Variants in CNGB1 observed in about 807,000 individuals in gnomAD.
The protein encoded by CNGB1 is cyclic nucleotide gated channel subunit beta 1.
In CNGB1, 126 loss-of-function variants were observed where a neutral mutation model predicts 151.7. The observed-to-expected ratio is 0.83, with a 90% CI of 0.72 to 0.96. The LOEUF (loss-of-function observed/expected upper bound fraction) is 0.96, where lower values mean the gene tolerates loss of function less well. Among genes scored for constraint, CNGB1 ranks in the 40% least tolerant of loss-of-function variants. CNGB1 has a pLI of 0.00. For synonymous variants in CNGB1, 623 were observed against 635.1 expected (o/e 0.98, Z 0.29); for missense variants, 1,698 against 1,627.0 (o/e 1.04, Z -0.75).
In CNGB1 at chr16:57,884,015, CG is replaced by C; in HGVS notation, c.*148del. ...AGTCGGGGCTGGCGTGCTGGCGGGACGGTCAGAGCTGCAGCCACTGAGGTCA... is the reference window on the plus strand; with the variant it reads ...AGTCGGGGCTGGCGTGCTGGCGGGACGTCAGAGCTGCAGCCACTGAGGTCA... On this transcript the variant is annotated 3_prime_UTR_variant, in exon 33 of 33. Transcript: ENST00000251102. 9.1e-7 allele frequency: 1 copy of C among 1,103,266 alleles called. No homozygotes were observed. Among genetic ancestry groups the C allele is most frequent in the Non-Finnish European group, 1.3e-6 (1 of 748,478 alleles). The allele number at this position is 1,103,266 out of a possible 1,614,324, so 68.3% of individuals were successfully genotyped here.
chr16:57,923,521 T>TCA, intron 17 of CNGB1, 141 bp from the exon 18 acceptor site: 3 of 701,608 alleles, frequency 4.3e-6, no homozygotes, highest in Non-Finnish European at 5.0e-6. Context: ...TTCTGAGTCC[T>TCA]CATTTGCCTG....
At chr16:57,934,358 T>C (rs1194081195) in intron 16 of CNGB1, among the ~76,000 whole-genome samples, 1 of 152,116 alleles carries the variant, frequency 6.6e-6, no homozygotes, top group Non-Finnish European at 1.5e-5. Context: ...AGGTTGAACC[T>C]GGGAGGTAGA....
At chr16:57,925,171 T>G (rs1189610280) in intron 17 of CNGB1, among the ~76,000 whole-genome samples, 59 of 151,804 alleles carry the variant, frequency 3.9e-4, no homozygotes, top group Non-Finnish European at 6.8e-4. Flanking sequence ...CCAGCTAATT[T>G]TTTTTTTTTT....
intron 14 of CNGB1, among the ~76,000 whole-genome samples, chr16:57,944,285 A>G (rs1460206638): frequency 1.3e-5 from 2 of 152,228 alleles, no homozygotes; most frequent in Non-Finnish European, 2.9e-5. Flanking sequence ...TAAACACAGA[A>G]AGACACATAC....
At chr16:57,936,678 GCTA>G (rs1961516970) in intron 16 of CNGB1, among the ~76,000 whole-genome samples, 1 of 152,098 alleles carries the variant, frequency 6.6e-6, no homozygotes. Context: ...TGTAATCCCA[GCTA>G]CTCGGGAGGC....
intron 25 of CNGB1, among the ~76,000 whole-genome samples, chr16:57,910,232 G>A (rs532074425): frequency 6.6e-6 from 1 of 152,216 alleles, no homozygotes; most frequent in African/African-American, 2.4e-5. Flanking sequence ...AAACATCACA[G>A]TCTCTTTTCT....
chr16:57,916,068 C>T (rs1010477907), intron 22 of CNGB1, 61 bp downstream of exon 22: 34 of 1,529,740 alleles, frequency 2.2e-5, no homozygotes, highest in African/African-American at 6.8e-5. Flanking sequence ...CACCCAGGGC[C>T]CTCTGAGGCA....
chr16:57,938,905 G>A (rs1961583683), intron 16 of CNGB1, among the ~76,000 whole-genome samples: 1 of 152,202 alleles, frequency 6.6e-6, no homozygotes, highest in Non-Finnish European at 1.5e-5. Flanking sequence ...AAATGTATGT[G>A]CTGGGTACAG....
At chr16:57,960,141 C>T (rs1962205616) in intron 9 of CNGB1, 76 bp from the exon 10 acceptor site, 1 of 1,527,306 alleles carries the variant, frequency 6.5e-7, no homozygotes, top group Non-Finnish European at 8.8e-7. Flanking sequence ...GGCACGGGGC[C>T]AGATTCGAGT....
At chr16:57,898,383 C>T (rs561375766) in intron 29 of CNGB1, among the ~76,000 whole-genome samples, 1 of 145,902 alleles carries the variant, frequency 6.9e-6, no homozygotes, top group African/African-American at 2.8e-5. Flanking sequence ...ATTCAAATTG[C>T]CTTTTTTTTT....
At chr16:57,955,296 C>T (rs1296521579) in intron 12 of CNGB1, 34 of 1,551,346 alleles carry the variant, frequency 2.2e-5, no homozygotes, top group South Asian at 1.2e-4. Context: ...TCTTTCCTTC[C>T]ATCCATGTGT....
chr16:57,883,975 C>T lies in CNGB1; in HGVS notation c.*189G>A. 1 of 730,792 alleles carries T rather than the reference C, an allele frequency of 1.4e-6. No homozygotes were observed. Among genetic ancestry groups the T allele is most frequent in the African/African-American group, 1.8e-5 (1 of 57,042 alleles). The allele number at this position is 730,792 out of a possible 1,614,324, so 45.3% of individuals were successfully genotyped here. A position where few individuals can be genotyped will look rare whatever the true frequency, so the allele number is the denominator to read the frequency against. On this transcript the variant is annotated 3_prime_UTR_variant, in exon 33 of 33. Coordinates refer to ENST00000251102, the MANE Select transcript of CNGB1 (RefSeq NM_001297.5). ...TGCAACTTGTCGAGCTCAGGCCCAG[C>T]CCCGCGAGGAGCTGAGTCGGGGCTG...
chr16:57,953,355 C>T (rs1304351501), intron 12 of CNGB1, among the ~76,000 whole-genome samples: 3 of 151,918 alleles, frequency 2.0e-5, no homozygotes, highest in African/African-American at 7.3e-5. Context: ...ATTAGCTGGG[C>T]GTGGTGGTGC....
Position 57,950,469 on chromosome 16 carries a change from C to T in CNGB1, c.946G>A (p.Ala316Thr). 1 of 1,614,218 alleles carries T rather than the reference C, an allele frequency of 6.2e-7. No homozygotes were observed. The highest frequency in any genetic ancestry group is 8.5e-7 in the Non-Finnish European group (1 of 1,180,014). Reference protein sequence around the residue: ...LEEVEPPWEDAHQDVSTSPQG... With the variant: ...LEEVEPPWEDTHQDVSTSPQG... Reference sequence around the variant, plus strand: ...GGGCTGGTACTGACATCCTGGTGGGCATCCTCCCAGGGCGGTTCAACCTCC... The same window carrying T: ...GGGCTGGTACTGACATCCTGGTGGGTATCCTCCCAGGGCGGTTCAACCTCC... The change falls in exon 13 of 33, where the codon GCC becomes ACC. Residue 316 changes from alanine to threonine, a missense_variant. Coordinates refer to ENST00000251102, the MANE Select transcript of CNGB1 (RefSeq NM_001297.5).
chr16:57,947,056 C>T (rs1961827928), intron 14 of CNGB1, among the ~76,000 whole-genome samples: 1 of 152,164 alleles, frequency 6.6e-6, no homozygotes, highest in South Asian at 2.1e-4. Context: ...ATATATGAAG[C>T]ATGTGTGTGG....
intron 16 of CNGB1, among the ~76,000 whole-genome samples, chr16:57,935,329 A>G (rs1428187366): frequency 6.6e-6 from 1 of 152,216 alleles, no homozygotes; most frequent in Non-Finnish European, 1.5e-5. Flanking sequence ...TCCTGTTTAA[A>G]TATACTTAAT....
intron 19 of CNGB1, among the ~76,000 whole-genome samples, chr16:57,920,066 G>A (rs1163629867): frequency 3.3e-5 from 5 of 152,212 alleles, no homozygotes; most frequent in African/African-American, 1.2e-4. Flanking sequence ...CACAATCTGA[G>A]TGTAAGACCA....
rs924943509 is a variant in CNGB1, at chr16:57,954,809, C to T, written c.874+2532G>A. 9.1e-6 allele frequency: 9 copies of T among 990,264 alleles called. No homozygotes were observed. In the South Asian group the frequency reaches 2.3e-4, roughly 25 times the overall value. 61.3% of individuals were successfully genotyped at this position (990,264 alleles called of 1,614,324 possible). ...TCTTCTGGGAAAAACTGTATCCTGTCGAGGTGCTGACGGTGCCAGGTACCA... is the reference window on the plus strand; with the variant it reads ...TCTTCTGGGAAAAACTGTATCCTGTTGAGGTGCTGACGGTGCCAGGTACCA... On this transcript the variant is annotated intron_variant, in intron 12 of 32. Transcript: ENST00000251102.
intron 23 of CNGB1, 71 bp from the exon 24 acceptor site, chr16:57,913,065 GCCGA>G: frequency 6.7e-7 from 1 of 1,485,388 alleles, no homozygotes; most frequent in Non-Finnish European, 9.4e-7. Context: ...GCCCACGGGC[GCCGA>G]GACTCAGGGC....
Sources: allele counts gnomAD v4.1 joint callset (sites outside exome capture counted in the v4.1 genomes callset), GRCh38; gene constraint gnomAD v4.1.1; transcripts MANE v1.5; gene names NCBI Gene and HGNC (gene_info 2026-07-23, HGNC 2026-07-21).